PRKAG2: variants seen among roughly 807,000 people sequenced by gnomAD.
The protein encoded by PRKAG2 is protein kinase AMP-activated non-catalytic subunit gamma 2, also known as 5'-AMP-activated protein kinase subunit gamma-2.
PRKAG2 carries 26 observed loss-of-function variants against 69.6 expected under a neutral mutation model. The ratio of observed to expected loss-of-function variants is 0.37; its 90% CI spans 0.27 to 0.52. The LOEUF is 0.52. PRKAG2 is among the 20% of genes least tolerant of loss of function. PRKAG2 has a pLI of 0.90. For synonymous variants in PRKAG2, 293 were observed against 285.0 expected, an observed-to-expected ratio of 1.03 and a Z score of -0.28; for missense variants, 557 against 740.0, an observed-to-expected ratio of 0.75 and a Z score of 2.87.
At chr7:151,834,589 A>G (rs2079105607) in intron 1 of PRKAG2, among the ~76,000 whole-genome samples, 1 of 152,172 alleles carries the variant, frequency 6.6e-6, no homozygotes, top group Admixed American at 6.5e-5. Flanking sequence ...TCCCATCTCC[A>G]CATAGTGGGA....
chr7:151,858,881 A>T (rs1348914021), intron 1 of PRKAG2, among the ~76,000 whole-genome samples: 1 of 152,138 alleles, frequency 6.6e-6, no homozygotes, highest in African/African-American at 2.4e-5. Context: ...TTCTGCCCCC[A>T]GGAGTCTTGA....
chr7:151,751,540 G>A (rs916050252), intron 3 of PRKAG2, among the ~76,000 whole-genome samples: 2 of 150,948 alleles, frequency 1.3e-5, no homozygotes, highest in African/African-American at 2.4e-5. Context: ...ACAGGTTCTC[G>A]CTTTGTCGCC....
chr7:151,798,238 A>G lies in PRKAG2; in HGVS notation c.115-11697T>C, dbSNP rs150393310. Among the ~76,000 whole-genome samples, 912 of 152,164 alleles carry G rather than the reference A, an allele frequency of 6.0e-3. 13 individuals carry two copies. The highest frequency in any genetic ancestry group is 0.021 in the African/African-American group (876 of 41,514). Reference sequence around the variant, plus strand: ...AGGCTGGTCTCAAACTCCTGACCTCATGATCCACCTACTTTGGCCTCCCAA... The same window carrying G: ...AGGCTGGTCTCAAACTCCTGACCTCGTGATCCACCTACTTTGGCCTCCCAA... On this transcript the variant is annotated intron_variant, in intron 1 of 15. Coordinates refer to ENST00000287878, the MANE Select transcript of PRKAG2 (RefSeq NM_016203.4).
intron 1 of PRKAG2, chr7:151,837,484 G>C (rs916224995): frequency 2.0e-5 from 3 of 152,278 alleles, no homozygotes; most frequent in African/African-American, 7.2e-5. Flanking sequence ...CGCTCGCAGG[G>C]CGTTGAGAGT....
At chr7:151,565,966 G>T in intron 11 of PRKAG2, 81 bp from the exon 12 acceptor site, 1 of 1,485,670 alleles carries the variant, frequency 6.7e-7, no homozygotes, top group Non-Finnish European at 9.4e-7. Context: ...GAATGAAAAA[G>T]TATGTCCAAC....
chr7:151,820,102 C>A (rs1227810576), intron 1 of PRKAG2, among the ~76,000 whole-genome samples: 3 of 152,248 alleles, frequency 2.0e-5, no homozygotes, highest in Non-Finnish European at 4.4e-5. Context: ...CGTGACCCCA[C>A]AGTGACTTGT....
intron 11 of PRKAG2, among the ~76,000 whole-genome samples, chr7:151,568,171 T>C (rs895267607): frequency 6.6e-6 from 1 of 152,244 alleles, no homozygotes; most frequent in Non-Finnish European, 1.5e-5. Context: ...AGCCAGGTCA[T>C]TTCAAGTAGC....
chr7:151,795,846 CATATATATATATATATATATATATATAT>C (rs55657994), intron 1 of PRKAG2, among the ~76,000 whole-genome samples: 22 of 56,796 alleles, frequency 3.9e-4, no homozygotes, highest in African/African-American at 6.8e-4. Flanking sequence ...AAACAAATCT[CATATATATATATATATATATATATATAT>C]ATATATATAT....
chr7:151,829,329 C>T (rs1054109941), intron 1 of PRKAG2, among the ~76,000 whole-genome samples: 7 of 152,172 alleles, frequency 4.6e-5, no homozygotes, highest in Non-Finnish European at 7.3e-5. Flanking sequence ...CCACTTCACA[C>T]CCACTGGGAC....
At chr7:151,727,324 G>A (rs947510894) in intron 3 of PRKAG2, among the ~76,000 whole-genome samples, 1 of 152,220 alleles carries the variant, frequency 6.6e-6, no homozygotes, top group African/African-American at 2.4e-5. Flanking sequence ...GGAGGAGGCA[G>A]GGCCCTACGC....
chr7:151,779,261 C>G (rs373249417), intron 3 of PRKAG2, among the ~76,000 whole-genome samples: 73 of 152,346 alleles, frequency 4.8e-4, no homozygotes, highest in African/African-American at 1.7e-3. Flanking sequence ...GTGGACAGCA[C>G]CAAACCTCCC....
In PRKAG2 at chr7:151,587,566, C is replaced by T. The variant is rs145385553; in HGVS notation, c.864+7779G>A. Reference sequence around the variant, plus strand: ...ACACAGGCAGTAAGCACCCTGGAGACGGTATGATGAAAAGGGCACTTTACC... The same window carrying T: ...ACACAGGCAGTAAGCACCCTGGAGATGGTATGATGAAAAGGGCACTTTACC... On this transcript the variant is annotated intron_variant, in intron 6 of 15. Transcript: ENST00000287878. 1.5e-3 allele frequency among the ~76,000 whole-genome samples: 225 copies of T among 152,268 alleles called. 1 individual carries two copies. Among genetic ancestry groups the T allele is most frequent in the African/African-American group, 5.2e-3 (218 of 41,560 alleles).
At chr7:151,778,279 C>T (rs1368908026) in intron 3 of PRKAG2, among the ~76,000 whole-genome samples, 6 of 152,100 alleles carry the variant, frequency 3.9e-5, no homozygotes, top group East Asian at 1.9e-4. Flanking sequence ...ATGTGGCTGG[C>T]CTCACATTAA....
intron 6 of PRKAG2, among the ~76,000 whole-genome samples, chr7:151,578,563 G>A (rs971825063): frequency 1.3e-5 from 2 of 152,164 alleles, no homozygotes; most frequent in South Asian, 2.1e-4. Context: ...CGTTGAGGGA[G>A]CTCATCAATT....
At chr7:151,588,510 C>T (rs1812232771) in intron 6 of PRKAG2, among the ~76,000 whole-genome samples, 3 of 151,194 alleles carry the variant, frequency 2.0e-5, no homozygotes, top group Non-Finnish European at 2.9e-5. Flanking sequence ...CCACAGGTAC[C>T]CAACACCAAG....
intron 1 of PRKAG2, among the ~76,000 whole-genome samples, chr7:151,864,582 C>T (rs996351304): frequency 6.6e-6 from 1 of 152,234 alleles, no homozygotes; most frequent in Non-Finnish European, 1.5e-5. Flanking sequence ...ATTACCTATG[C>T]CCCAAGGTCA....
At chr7:151,597,661 C>G (rs1353955257) in intron 5 of PRKAG2, among the ~76,000 whole-genome samples, 1 of 152,038 alleles carries the variant, frequency 6.6e-6, no homozygotes, top group Non-Finnish European at 1.5e-5. Flanking sequence ...ATACAAATGG[C>G]CAACAGGTAT....
intron 3 of PRKAG2, among the ~76,000 whole-genome samples, chr7:151,741,243 A>C (rs1173125249): frequency 3.3e-5 from 5 of 152,092 alleles, no homozygotes; most frequent in Non-Finnish European, 7.3e-5. Flanking sequence ...ATAAAATAAA[A>C]GTAACAAAGC....
Position 151,781,525 on chromosome 7 carries a change from T to G in PRKAG2, c.187-94A>C. Reference sequence around the variant, plus strand: ...AAACTTATCATTGTCCTCTCTCACATGCGGGCCCCCCATAGTACCCTCCCA... The same window carrying G: ...AAACTTATCATTGTCCTCTCTCACAGGCGGGCCCCCCATAGTACCCTCCCA... On this transcript the variant is annotated intron_variant, in intron 2 of 15. Transcript: ENST00000287878. This position sits in a 1 kb window ranked among gnomAD's most constrained non-coding sequence, Gnocchi z 6.1. 4.8e-6 allele frequency: 7 copies of G among 1,444,246 alleles called. No homozygotes were observed. The highest frequency in any genetic ancestry group is 6.6e-6 in the Non-Finnish European group (7 of 1,063,766). The allele number at this position is 1,444,246 out of a possible 1,614,324, so 89.5% of individuals were successfully genotyped here.
Sources: gnomAD v4.1 joint callset for allele counts (sites outside exome capture counted in the v4.1 genomes callset) on GRCh38, gnomAD v4.1.1 for gene constraint, Gnocchi (gnomAD v3.1) non-coding constraint, MANE v1.5 for transcripts, NCBI Gene and HGNC (gene_info 2026-07-23, HGNC 2026-07-21) for gene names.